Variants in GABBR2 observed in about 807,000 individuals in gnomAD.
GABBR2 encodes the protein gamma-aminobutyric acid type B receptor subunit 2, also known as G-protein coupled receptor 51.
Under a neutral mutation model 105.6 loss-of-function variants are expected in GABBR2, and 23 were observed. The ratio of observed to expected loss-of-function variants is 0.22; its 90% confidence interval spans 0.16 to 0.31. The LOEUF is 0.31. Ranked by LOEUF, GABBR2 falls within the 10% of genes least tolerant of loss-of-function variation. The probability of loss-of-function intolerance (pLI) is 1.00; values close to 1 mark genes in which losing one functional copy is unlikely to be tolerated. For synonymous variants in GABBR2, 478 were observed against 499.7 expected (o/e 0.96, Z 0.58); for missense variants, 734 against 1,245.5 (o/e 0.59, Z 6.18).
At chr9:98,336,124 A>G (rs1831110838) in intron 13 of GABBR2, among the ~76,000 whole-genome samples, 1 of 152,258 alleles carries the variant, frequency 6.6e-6, no homozygotes, top group Non-Finnish European at 1.5e-5. Context: ...CATTTAAGCT[A>G]GATCTGAATG....
At chr9:98,355,898 T>C (rs137953348) in intron 13 of GABBR2, among the ~76,000 whole-genome samples, 46 of 152,262 alleles carry the variant, frequency 3.0e-4, no homozygotes, top group African/African-American at 1.1e-3. Flanking sequence ...AGCTCAGAAA[T>C]ACACCCACAC....
At chr9:98,345,775 A>G (rs549528012) in intron 13 of GABBR2, among the ~76,000 whole-genome samples, 28 of 152,372 alleles carry the variant, frequency 1.8e-4, no homozygotes, top group African/African-American at 4.3e-4. Context: ...TTAGGCTAAT[A>G]TACAAAAATC....
At chr9:98,688,544 C>G (rs929185081) in intron 1 of GABBR2, among the ~76,000 whole-genome samples, 2 of 152,114 alleles carry the variant, frequency 1.3e-5, no homozygotes, top group South Asian at 2.1e-4. Flanking sequence ...ATTGAAAAAT[C>G]ATTAGATTTT....
At chr9:98,357,510 T>C (rs1831505882) in intron 13 of GABBR2, among the ~76,000 whole-genome samples, 1 of 151,882 alleles carries the variant, frequency 6.6e-6, no homozygotes, top group South Asian at 2.1e-4. Context: ...TAATGGGGTG[T>C]GGTGGCGCAT....
At chr9:98,465,121 TAAAAAAAAAAA>T (rs57747633) in intron 6 of GABBR2, among the ~76,000 whole-genome samples, 1 of 21,978 alleles carries the variant, frequency 4.6e-5, no homozygotes, top group Non-Finnish European at 7.4e-5. Context: ...CAATAAATAC[TAAAAAAAAAAA>T]AAAAAAAAAA....
chr9:98,535,111 A>C (rs1255758680), intron 3 of GABBR2, among the ~76,000 whole-genome samples: 2 of 152,150 alleles, frequency 1.3e-5, no homozygotes, highest in African/African-American at 4.8e-5. Context: ...TCAGGGGGGC[A>C]CCGGGGGAAC....
chr9:98,444,606 G>C (rs1260263838), intron 7 of GABBR2, among the ~76,000 whole-genome samples: 1 of 152,156 alleles, frequency 6.6e-6, no homozygotes, highest in Non-Finnish European at 1.5e-5. Context: ...TCTGTAAACA[G>C]GGCAGTCACA....
At chr9:98,650,906 G>A (rs1476341640) in intron 1 of GABBR2, among the ~76,000 whole-genome samples, 3 of 152,160 alleles carry the variant, frequency 2.0e-5, no homozygotes, top group African/African-American at 4.8e-5. Flanking sequence ...TGGTTTCCAG[G>A]AGCCAGGAAG....
intron 13 of GABBR2, among the ~76,000 whole-genome samples, chr9:98,313,102 T>C (rs1204927380): frequency 6.6e-6 from 1 of 152,236 alleles, no homozygotes; most frequent in East Asian, 1.9e-4. Context: ...ATCTTATTCA[T>C]GTTGATGCTT....
intron 10 of GABBR2, among the ~76,000 whole-genome samples, chr9:98,386,863 A>G (rs1399779658): frequency 1.3e-5 from 2 of 152,194 alleles, no homozygotes; most frequent in African/African-American, 4.8e-5. Flanking sequence ...CCGGCTTTCA[A>G]GTTGGGAGCA....
chr9:98,532,113 T>C (rs369784687), intron 3 of GABBR2, among the ~76,000 whole-genome samples: 1 of 152,238 alleles, frequency 6.6e-6, no homozygotes, highest in Non-Finnish European at 1.5e-5. Context: ...TCCTAGTGTA[T>C]AATAACACAA....
At chr9:98,376,788 C>T (rs148619599) in intron 11 of GABBR2, among the ~76,000 whole-genome samples, 135 of 152,266 alleles carry the variant, frequency 8.9e-4, no homozygotes, top group Admixed American at 2.6e-3. Flanking sequence ...TCTGGGGGAA[C>T]GGTGCAGGGG....
chr9:98,438,011 T>C (rs1404893746), intron 7 of GABBR2, among the ~76,000 whole-genome samples: 1 of 150,944 alleles, frequency 6.6e-6, no homozygotes, highest in African/African-American at 2.4e-5. Context: ...CAACCATCCA[T>C]CCACATCTAT....
chr9:98,477,364 T>C (rs1301813282), intron 5 of GABBR2, among the ~76,000 whole-genome samples: 1 of 152,202 alleles, frequency 6.6e-6, no homozygotes, highest in Non-Finnish European at 1.5e-5. Flanking sequence ...CTCAGCCTCC[T>C]GAGTAGCTGA....
chr9:98,293,759 A>G (rs1830337802), intron 18 of GABBR2, 26 bp downstream of exon 18: 1 of 1,218,528 alleles, frequency 8.2e-7, no homozygotes, highest in Admixed American at 1.8e-5. Flanking sequence ...TTCTTCAGTT[A>G]TAATTCTCAA....
chr9:98,340,435 T>C, intron 13 of GABBR2, among the ~76,000 whole-genome samples: 1 of 151,942 alleles, frequency 6.6e-6, no homozygotes, highest in East Asian at 1.9e-4. Context: ...TCTCTCTCTT[T>C]TTTTTTTTGA....
chr9:98,336,466 G>C (rs1414486317), intron 13 of GABBR2, among the ~76,000 whole-genome samples: 1 of 152,220 alleles, frequency 6.6e-6, no homozygotes, highest in Non-Finnish European at 1.5e-5. Flanking sequence ...AGCACTTTGG[G>C]AGGCCAAGGC....
intron 7 of GABBR2, among the ~76,000 whole-genome samples, chr9:98,435,858 T>C (rs996544590): frequency 6.6e-6 from 1 of 152,154 alleles, no homozygotes; most frequent in African/African-American, 2.4e-5. Flanking sequence ...CACAACACTT[T>C]AGAGTTTGTT....
intron 1 of GABBR2, among the ~76,000 whole-genome samples, chr9:98,678,961 A>G (rs1171481293): frequency 6.6e-6 from 1 of 152,204 alleles, no homozygotes; most frequent in Admixed American, 6.5e-5. Context: ...TTTGTATGGA[A>G]GAGGCTGAAA....
Sources: allele counts gnomAD v4.1 joint callset (sites outside exome capture counted in the v4.1 genomes callset), GRCh38; gene constraint gnomAD v4.1.1; transcripts MANE v1.5; gene names NCBI Gene and HGNC (gene_info 2026-07-23, HGNC 2026-07-21).